SRD5A3: variants seen among roughly 807,000 people sequenced by gnomAD.
SRD5A3 encodes steroid 5 alpha-reductase 3.
A neutral mutation model predicts 34.3 loss-of-function variants in SRD5A3; 24 were observed. That is an observed-to-expected ratio of 0.70 (90% CI 0.51 to 0.99). The LOEUF is 0.99. Among genes scored for constraint, SRD5A3 ranks in the 50% least tolerant of loss-of-function variants. The pLI is 0.00. For synonymous variants in SRD5A3, 161 were observed against 167.3 expected, an observed-to-expected ratio of 0.96 and a Z score of 0.29; for missense variants, 350 against 388.2, an observed-to-expected ratio of 0.90 and a Z score of 0.83.
At chr4:55,351,914 T>G in intron 1 of SRD5A3, 1 of 683,368 alleles carries the variant, frequency 1.5e-6, no homozygotes, top group Non-Finnish European at 2.8e-6. Flanking sequence ...GGATTCTTCT[T>G]TTAAGGTCCT....
At chr4:55,353,376 G>A (rs1719273752) in intron 1 of SRD5A3, among the ~76,000 whole-genome samples, 1 of 152,176 alleles carries the variant, frequency 6.6e-6, no homozygotes, top group Non-Finnish European at 1.5e-5. Context: ...CTAAAAGTTT[G>A]TAAATGCACC....
At chr4:55,358,127 G>C (rs1421584439) in intron 1 of SRD5A3, among the ~76,000 whole-genome samples, 1 of 152,200 alleles carries the variant, frequency 6.6e-6, no homozygotes, top group Non-Finnish European at 1.5e-5. Flanking sequence ...TATGCACGAT[G>C]CATTGAAGAC....
intron 2 of SRD5A3, 89 bp downstream of exon 2, chr4:55,359,577 C>T (rs944778913): frequency 1.6e-5 from 25 of 1,542,972 alleles, no homozygotes; most frequent in Middle Eastern, 1.7e-4. Flanking sequence ...TTTGTCTCCT[C>T]TCTCGGCACC....
At chr4:55,354,569 G>C (rs1027318381) in intron 1 of SRD5A3, among the ~76,000 whole-genome samples, 1 of 152,076 alleles carries the variant, frequency 6.6e-6, no homozygotes, top group African/African-American at 2.4e-5. Flanking sequence ...CTCTCTGCTA[G>C]TTCTCTCTCT....
intron 1 of SRD5A3, among the ~76,000 whole-genome samples, chr4:55,351,071 A>T (rs1432318657): frequency 1.4e-5 from 2 of 138,948 alleles, no homozygotes; most frequent in Non-Finnish European, 3.1e-5. Flanking sequence ...CCTGGCCTAA[A>T]TTTTTTTTTT....
At chr4:55,369,756 A>G in intron 4 of SRD5A3, 76 bp from the exon 5 acceptor site, 1 of 1,562,254 alleles carries the variant, frequency 6.4e-7, no homozygotes, top group Non-Finnish European at 8.7e-7. Flanking sequence ...AATTCTGTAA[A>G]TGATTTGCGA....
chr4:55,353,874 T>C (rs1237501623), intron 1 of SRD5A3, among the ~76,000 whole-genome samples: 6 of 152,284 alleles, frequency 3.9e-5, no homozygotes, highest in Admixed American at 3.3e-4. Flanking sequence ...ACCGTAACAC[T>C]CACTGCGAGA....
Position 55,351,962 on chromosome 4 carries a change from T to A in SRD5A3, c.221+5405T>A, listed in dbSNP as rs76300360. 3.6e-3 allele frequency: 2,719 copies of A among 746,224 alleles called. 47 individuals carry two copies. The African/African-American group carries it at 0.042, about 11-fold the overall frequency. The allele number at this position is 746,224 out of a possible 1,614,324, so 46.2% of individuals were successfully genotyped here. ...CCACAATATAAAACTTATGCTGAAT[T>A]ACTCTCTGTACTAAGAGTCATCTGC... is the stretch of plus-strand genomic sequence containing the variant. On this transcript the variant is annotated intron_variant, in intron 1 of 4. Coordinates refer to ENST00000264228, the MANE Select transcript of SRD5A3 (RefSeq NM_024592.5).
rs1251527126 is a variant in SRD5A3 at position 55,346,414 on chromosome 4, C to T, written c.78C>T (p.Phe26=). Residue 26 remains phenylalanine (F), a synonymous_variant, in exon 1 of 5, where the codon TTC becomes TTT. Transcript: ENST00000264228. ...RAVWLTLTAA[F]LLTLLLQLLP... ...TGTGGCTCACGCTGACCGCCGCCTT[C>T]CTGCTGACCCTACTGCTGCAGCTCC... The T allele has an allele frequency of 3.1e-6, 5 of 1,598,186 alleles. No homozygotes were observed. The South Asian group carries it at 3.4e-5, about 11-fold the overall frequency.
chr4:55,352,104 T>C (rs763331004), intron 1 of SRD5A3: 26 of 784,204 alleles, frequency 3.3e-5, no homozygotes, highest in Middle Eastern at 2.3e-4. Context: ...CAATCAGTTA[T>C]ACAAGGAATA....
At chr4:55,362,131 CTTT>C (rs11356354) in intron 2 of SRD5A3, among the ~76,000 whole-genome samples, 2 of 142,800 alleles carry the variant, frequency 1.4e-5, no homozygotes, top group Non-Finnish European at 1.5e-5. Flanking sequence ...TCTGTTTCTT[CTTT>C]TTTTTTTTTT....
intron 1 of SRD5A3, among the ~76,000 whole-genome samples, chr4:55,354,673 T>C (rs1185711277): frequency 6.6e-6 from 1 of 152,232 alleles, no homozygotes; most frequent in African/African-American, 2.4e-5. Context: ...TACTCAAATA[T>C]TACCTTCTCA....
intron 1 of SRD5A3, among the ~76,000 whole-genome samples, chr4:55,355,207 C>T (rs1443591940): frequency 2.6e-5 from 4 of 152,068 alleles, no homozygotes; most frequent in Non-Finnish European, 5.9e-5. Flanking sequence ...GCCTGTAATC[C>T]CAGCACTTTG....
intron 1 of SRD5A3, among the ~76,000 whole-genome samples, chr4:55,355,351 G>A (rs1037262626): frequency 2.0e-5 from 3 of 151,974 alleles, no homozygotes; most frequent in Non-Finnish European, 4.4e-5. Flanking sequence ...CCAGCTACTC[G>A]GGGGGCTGAG....
chr4:55,352,588 A>G (rs1719238250), intron 1 of SRD5A3, among the ~76,000 whole-genome samples: 1 of 152,250 alleles, frequency 6.6e-6, no homozygotes, highest in South Asian at 2.1e-4. Context: ...CTGACTGGTA[A>G]TAAGGACCTC....
At chr4:55,366,931 T>C (rs1400137359) in intron 3 of SRD5A3, 1 of 152,852 alleles carries the variant, frequency 6.5e-6, no homozygotes, top group Non-Finnish European at 1.5e-5. Flanking sequence ...TTTGAGTGTT[T>C]CCACTCCTGA....
At chr4:55,348,145 T>G (rs1348936400) in intron 1 of SRD5A3, among the ~76,000 whole-genome samples, 6 of 152,232 alleles carry the variant, frequency 3.9e-5, no homozygotes, top group Non-Finnish European at 5.9e-5. Context: ...TGGTTCTGTT[T>G]GGACTTCCTG....
At chr4:55,354,041 C>T (rs760218318) in intron 1 of SRD5A3, among the ~76,000 whole-genome samples, 6 of 152,168 alleles carry the variant, frequency 3.9e-5, no homozygotes, top group Admixed American at 1.3e-4. Context: ...ATTAATTCCC[C>T]TTCTTAACCC....
Position 55,346,377 on chromosome 4 carries a change from C to A in SRD5A3, c.41C>A (p.Pro14Gln). 3 of 1,568,314 alleles carry A rather than the reference C, an allele frequency of 1.9e-6. No homozygotes were observed. The highest frequency in any genetic ancestry group is 1.7e-6 in the Non-Finnish European group (2 of 1,159,832). ...WAEAEHSALN[P>Q]LRAVWLTLTA... ...GAGGCCGAGCACTCGGCGCTGAACC[C>A]GCTGCGCGCGGTGTGGCTCACGCTG... Residue 14 changes from proline to glutamine, a missense_variant, in exon 1 of 5, where the codon CCG becomes CAG. By Grantham distance (76) the Pro-to-Gln change is moderately conservative (BLOSUM62 -1). Transcript: ENST00000264228.
Sources: allele counts gnomAD v4.1 joint callset (sites outside exome capture counted in the v4.1 genomes callset), GRCh38; gene constraint gnomAD v4.1.1; transcripts MANE v1.5; gene names NCBI Gene and HGNC (gene_info 2026-07-23, HGNC 2026-07-21).